The following EFCAB11 variants were observed in gnomAD, a reference collection of about 807,000 sequenced individuals.
EFCAB11 encodes EF-hand calcium binding domain 11.
In EFCAB11, 14 loss-of-function variants were observed where a neutral mutation model predicts 23.0. That is an observed-to-expected ratio of 0.61 (90% CI 0.40 to 0.95). The LOEUF (loss-of-function observed/expected upper bound fraction) is 0.95. Among genes scored for constraint, EFCAB11 ranks in the 40% least tolerant of loss-of-function variants. The pLI is 0.00. For synonymous variants in EFCAB11, 65 were observed against 66.6 expected (o/e 0.98, Z 0.11); for missense variants, 198 against 195.8 (o/e 1.01, Z -0.07).
intron 5 of EFCAB11, among the ~76,000 whole-genome samples, chr14:89,816,473 A>G (rs968587154): frequency 1.3e-5 from 2 of 152,208 alleles, no homozygotes; most frequent in Non-Finnish European, 2.9e-5. Context: ...TTCTCATAAT[A>G]CAGTTAATTC....
intron 5 of EFCAB11, among the ~76,000 whole-genome samples, chr14:89,916,231 A>G (rs535944985): frequency 1.3e-5 from 2 of 152,278 alleles, no homozygotes; most frequent in African/African-American, 4.8e-5. Flanking sequence ...ACATCTAGCT[A>G]CTTGTGATGA....
chr14:89,826,992 T>G (rs1271559145), intron 5 of EFCAB11, among the ~76,000 whole-genome samples: 1 of 152,164 alleles, frequency 6.6e-6, no homozygotes. Flanking sequence ...GGACCACTTC[T>G]GGTACCATTT....
intron 5 of EFCAB11, among the ~76,000 whole-genome samples, chr14:89,834,291 G>A (rs1215717479): frequency 7.3e-6 from 1 of 136,630 alleles, no homozygotes; most frequent in African/African-American, 2.7e-5. Context: ...CAGGTGAATC[G>A]CTTGAACCCA....
intron 5 of EFCAB11, among the ~76,000 whole-genome samples, chr14:89,817,249 C>T (rs560882446): frequency 1.0e-3 from 152 of 152,288 alleles, no homozygotes; most frequent in African/African-American, 3.6e-3. Flanking sequence ...GGAGCACTGA[C>T]TAACACCTGT....
rs1007879688 is a variant in EFCAB11, at chr14:89,851,177, T to C, written c.411-53853A>G. Among the ~76,000 whole-genome samples the C allele has an allele frequency of 1.3e-5, 2 of 152,244 alleles. 1 individual carries two copies. Among genetic ancestry groups the C allele is most frequent in the Non-Finnish European group, 2.9e-5 (2 of 68,040 alleles). ...CTATCCAGCCATTACCTATAGGACA[T>C]TCCTATTTGGCCAGAAGTGATTTAT... On this transcript the variant is annotated intron_variant, in intron 5 of 5. Transcript: ENST00000316738.
chr14:89,881,341 A>T (rs907220603), intron 5 of EFCAB11, among the ~76,000 whole-genome samples: 3 of 150,102 alleles, frequency 2.0e-5, no homozygotes, highest in Non-Finnish European at 4.4e-5. Flanking sequence ...CCATATTTAG[A>T]GATACACAAA....
In EFCAB11 at chr14:89,816,132, A is replaced by AT. The variant is rs941153497; in HGVS notation, c.411-18809dup. Among the ~76,000 whole-genome samples, 372 of 151,604 alleles carry AT rather than the reference A, an allele frequency of 2.5e-3. 1 individual carries two copies. The highest frequency in any genetic ancestry group is 8.7e-3 in the African/African-American group (361 of 41,356). On this transcript the variant is annotated intron_variant, in intron 5 of 5. Coordinates refer to ENST00000316738, the MANE Select transcript of EFCAB11 (RefSeq NM_145231.4). ...TTACATTTCTTCCTAGGTATTTTAT[A>AT]TTTTTTTTGGTAGCTATTATAAATG...
At chr14:89,949,971 A>T in intron 3 of EFCAB11, 126 bp downstream of exon 3, 1 of 1,031,412 alleles carries the variant, frequency 9.7e-7, no homozygotes, top group Non-Finnish European at 1.4e-6. Context: ...CCCATGATTC[A>T]GTTACCTTCC....
chr14:89,836,757 A>C (rs1178547810), intron 5 of EFCAB11: 3 of 430,430 alleles, frequency 7.0e-6, no homozygotes, highest in Non-Finnish European at 1.4e-5. Flanking sequence ...AGTGGCTTAC[A>C]CCTGTAATCC....
chr14:89,912,328 G>A (rs1184032847), intron 5 of EFCAB11, among the ~76,000 whole-genome samples: 1 of 152,114 alleles, frequency 6.6e-6, no homozygotes, highest in Non-Finnish European at 1.5e-5. Flanking sequence ...TATCTAGGTT[G>A]TTCAAACCGT....
intron 5 of EFCAB11, among the ~76,000 whole-genome samples, chr14:89,853,246 G>T (rs1887648937): frequency 6.6e-6 from 1 of 152,210 alleles, no homozygotes; most frequent in African/African-American, 2.4e-5. Context: ...ATACTAGAGA[G>T]AAGCCAGTTA....
chr14:89,864,532 C>T (rs1323861266), intron 5 of EFCAB11, among the ~76,000 whole-genome samples: 1 of 152,126 alleles, frequency 6.6e-6, no homozygotes, highest in Non-Finnish European at 1.5e-5. Flanking sequence ...TCAACTGATC[C>T]TTCCACCTCA....
chr14:89,930,712 C>T (rs1890359296), intron 5 of EFCAB11, among the ~76,000 whole-genome samples: 1 of 152,214 alleles, frequency 6.6e-6, no homozygotes, highest in Admixed American at 6.5e-5. Context: ...TCCTTCCCGA[C>T]TGTGTGGTCA....
intron 5 of EFCAB11, among the ~76,000 whole-genome samples, chr14:89,875,772 C>T (rs759084952): frequency 6.6e-6 from 1 of 152,086 alleles, no homozygotes; most frequent in Non-Finnish European, 1.5e-5. Flanking sequence ...CCAAGCTGAG[C>T]TAAAGGAATG....
intron 5 of EFCAB11, among the ~76,000 whole-genome samples, chr14:89,816,033 T>G (rs933639730): frequency 1.3e-5 from 2 of 152,234 alleles, no homozygotes; most frequent in Non-Finnish European, 2.9e-5. Context: ...GGGTATCTAT[T>G]TTTTGTGTGT....
At chr14:89,947,294 T>C (rs1319414545) in intron 3 of EFCAB11, among the ~76,000 whole-genome samples, 1 of 152,296 alleles carries the variant, frequency 6.6e-6, no homozygotes, top group Non-Finnish European at 1.5e-5. Context: ...TCCTATCCCC[T>C]TACACAATAG....
intron 5 of EFCAB11, among the ~76,000 whole-genome samples, chr14:89,851,215 A>G (rs1887592326): frequency 5.3e-5 from 8 of 152,206 alleles, no homozygotes; most frequent in Admixed American, 5.2e-4. Context: ...GCTTTGTAAT[A>G]TAGGCAGCCT....
At chr14:89,909,784 T>C (rs1889612427) in intron 5 of EFCAB11, among the ~76,000 whole-genome samples, 1 of 152,194 alleles carries the variant, frequency 6.6e-6, no homozygotes, top group South Asian at 2.1e-4. Context: ...GTAGGCTAAC[T>C]ATGCGTAACA....
chr14:89,863,723 T>C (rs1005071335), intron 5 of EFCAB11, among the ~76,000 whole-genome samples: 25 of 152,248 alleles, frequency 1.6e-4, no homozygotes, highest in African/African-American at 6.0e-4. Context: ...TATGTTCATA[T>C]ATCTGTGAAT....
Sources: gnomAD v4.1 joint callset for allele counts (sites outside exome capture counted in the v4.1 genomes callset) on GRCh38, gnomAD v4.1.1 for gene constraint, MANE v1.5 for transcripts, NCBI Gene and HGNC (gene_info 2026-07-23, HGNC 2026-07-21) for gene names.